PCDHA8: variants seen among roughly 807,000 people sequenced by gnomAD.
The protein encoded by PCDHA8 is protocadherin alpha-8.
A neutral mutation model predicts 61.8 loss-of-function variants in PCDHA8; 53 were observed. The ratio of observed to expected loss-of-function variants is 0.86; its 90% CI spans 0.69 to 1.08. The LOEUF is 1.08. Among genes scored for constraint, PCDHA8 ranks in the 50% least tolerant of loss-of-function variants. PCDHA8 has a pLI of 0.00. For synonymous variants in PCDHA8, 618 were observed against 556.6 expected, an observed-to-expected ratio of 1.11 and a Z score of -1.55; for missense variants, 1,293 against 1,245.0, an observed-to-expected ratio of 1.04 and a Z score of -0.58.
intron 1 of PCDHA8, chr5:140,863,439 T>C (rs781855193): frequency 3.3e-6 from 2 of 606,238 alleles, no homozygotes; most frequent in East Asian, 4.7e-5. Context: ...GATCTGGTCT[T>C]ACTCGCAGCA....
chr5:140,917,948 A>G (rs1382859222), intron 1 of PCDHA8, among the ~76,000 whole-genome samples: 2 of 151,868 alleles, frequency 1.3e-5, no homozygotes, highest in Admixed American at 1.3e-4. Flanking sequence ...TGGTAGTTTG[A>G]TAGGAACATC....
chr5:140,882,891 A>C, intron 1 of PCDHA8: 1 of 1,614,230 alleles, frequency 6.2e-7, no homozygotes, highest in East Asian at 2.2e-5. Flanking sequence ...ATTCAGGAAC[A>C]TAGTTTATTA....
intron 1 of PCDHA8, among the ~76,000 whole-genome samples, chr5:140,897,315 T>C (rs980857290): frequency 6.8e-6 from 1 of 147,686 alleles, no homozygotes; most frequent in Non-Finnish European, 1.5e-5. Context: ...GTATATCTCC[T>C]AAAGCTATCC....
intron 1 of PCDHA8, chr5:140,866,767 G>C (rs913136809): frequency 1.3e-5 from 2 of 152,154 alleles, no homozygotes; most frequent in East Asian, 1.9e-4. Context: ...CATACAGGCA[G>C]ATTGTATGTC....
At chr5:140,884,433 G>C in intron 1 of PCDHA8, 1 of 1,613,908 alleles carries the variant, frequency 6.2e-7, no homozygotes, top group Non-Finnish European at 8.5e-7. Context: ...ACTGCGCTGC[G>C]GTGCTCGGCA....
At chr5:140,871,408 A>C (rs1053262394) in intron 1 of PCDHA8, 2 of 1,613,986 alleles carry the variant, frequency 1.2e-6, no homozygotes, top group African/African-American at 2.7e-5. Flanking sequence ...GACGGACCTC[A>C]TGGCCTTCAG....
rs377441374 is a variant in PCDHA8, at chr5:140,884,065, C to T, written c.2394+40350C>T. The T allele has an allele frequency of 3.7e-6, 6 of 1,613,346 alleles. No individual in the cohort carries two copies. The African/African-American group carries it at 5.3e-5, about 14-fold the overall frequency. ...TGGCGAAGGTGCGCGCGGTGGACGC[C>T]GATTCGGGCTACAATGCGTGGCTTT... is the stretch of plus-strand genomic sequence containing the variant. On this transcript the variant is annotated intron_variant, in intron 1 of 3. Transcript: ENST00000531613.
chr5:140,968,326 C>G (rs1554230623), intron 1 of PCDHA8: 1 of 1,614,058 alleles, frequency 6.2e-7, no homozygotes, highest in Non-Finnish European at 8.5e-7. Context: ...CAGTCACCTC[C>G]TATGTCTCCA....
chr5:140,853,830 G>A lies in PCDHA8; in HGVS notation c.2394+10115G>A, dbSNP rs1424828776. 1.9e-5 allele frequency: 19 copies of A among 986,508 alleles called. 1 individual carries two copies. The highest frequency in any genetic ancestry group is 2.2e-5 in the Non-Finnish European group (18 of 818,674). The allele number at this position is 986,508 out of a possible 1,614,324, so 61.1% of individuals were successfully genotyped here. On this transcript the variant is annotated intron_variant, in intron 1 of 3. Coordinates refer to ENST00000531613, the MANE Select transcript of PCDHA8 (RefSeq NM_018911.3). The stretch of plus-strand genomic sequence containing the variant: ...CACCTGAGATGATTCTCATACAACC[G>A]AAATTTTAGATCCATAGCCCTATTT...
At chr5:140,877,500 A>G (rs781878840) in intron 1 of PCDHA8, 80 of 1,613,694 alleles carry the variant, frequency 5.0e-5, no homozygotes, top group Non-Finnish European at 6.6e-5. Flanking sequence ...GCCAGGCCCC[A>G]AAGACGTCGT....
chr5:140,997,324 T>C (rs1447294871), intron 3 of PCDHA8, among the ~76,000 whole-genome samples: 1 of 152,202 alleles, frequency 6.6e-6, no homozygotes, highest in Non-Finnish European at 1.5e-5. Context: ...TAGGCAGTTT[T>C]TTCGTTGTAC....
chr5:140,985,084 T>A (rs2097135513), intron 3 of PCDHA8, among the ~76,000 whole-genome samples: 1 of 151,986 alleles, frequency 6.6e-6, no homozygotes. Context: ...ACTACAGGCG[T>A]GTGCCACCAA....
At position 140,843,778 on chromosome 5, in the gene PCDHA8, G is replaced by C. The variant is rs2150366653; in HGVS notation, c.2394+63G>C. 3.5e-6 allele frequency: 5 copies of C among 1,441,518 alleles called. No individual in the cohort carries two copies. The East Asian group carries it at 1.1e-4, about 33-fold the overall frequency. The allele number at this position is 1,441,518 out of a possible 1,614,324, so 89.3% of individuals were successfully genotyped here. A position where few individuals can be genotyped will look rare whatever the true frequency, so the allele number is the denominator to read the frequency against. On this transcript the variant is annotated intron_variant, in intron 1 of 3. Transcript: ENST00000531613. ...TGTGGAAATTGTAGTTACTTTAAAA[G>C]TGTTTCAGATTTAGTTTTTCACCGT...
intron 1 of PCDHA8, among the ~76,000 whole-genome samples, chr5:140,855,699 C>A (rs901621120): frequency 6.7e-6 from 1 of 149,362 alleles, no homozygotes; most frequent in Non-Finnish European, 1.5e-5. Context: ...AAACATTGCA[C>A]GTGGGATCAA....
intron 3 of PCDHA8, among the ~76,000 whole-genome samples, chr5:141,007,767 G>T (rs1322859075): frequency 6.6e-6 from 1 of 152,142 alleles, no homozygotes; most frequent in African/African-American, 2.4e-5. Context: ...TATTGGCCTG[G>T]AAATGGTACT....
chr5:140,846,361 T>TTTTC lies in PCDHA8; in HGVS notation c.2394+2658_2394+2661dup, dbSNP rs1362162129. ...AAAGTGCTTTCTCTTTTTTCTTTTC[T>TTTTC]TTTCTTTCTTTCTTTTTTTTTTTTT... is the stretch of plus-strand genomic sequence containing the variant. On this transcript the variant is annotated intron_variant, in intron 1 of 3. Coordinates refer to ENST00000531613, the MANE Select transcript of PCDHA8 (RefSeq NM_018911.3). 1.5e-5 allele frequency among the ~76,000 whole-genome samples: 2 copies of TTTTC among 133,632 alleles called. 1 individual carries two copies. Among genetic ancestry groups the TTTTC allele is most frequent in the Non-Finnish European group, 3.2e-5 (2 of 63,348 alleles). 87.7% of individuals were successfully genotyped at this position (133,632 alleles called of 152,430 possible). A position where few individuals can be genotyped will look rare whatever the true frequency, so the allele number is the denominator to read the frequency against.
At chr5:140,997,097 T>G (rs1222829529) in intron 3 of PCDHA8, among the ~76,000 whole-genome samples, 10 of 152,156 alleles carry the variant, frequency 6.6e-5, no homozygotes, top group Admixed American at 5.2e-4. Context: ...TGCAGAGTTC[T>G]CATGCACTCC....
At chr5:140,960,405 C>T (rs2095547214) in intron 1 of PCDHA8, among the ~76,000 whole-genome samples, 1 of 151,828 alleles carries the variant, frequency 6.6e-6, no homozygotes, top group Non-Finnish European at 1.5e-5. Context: ...AGGGGGGGTG[C>T]CCAAAAAGTC....
intron 3 of PCDHA8, among the ~76,000 whole-genome samples, chr5:141,009,142 G>T (rs1374390797): frequency 2.0e-5 from 3 of 152,204 alleles, no homozygotes; most frequent in Non-Finnish European, 4.4e-5. Context: ...GAAAAAACCT[G>T]CCCTCTTGCT....
Sources: gnomAD v4.1 joint callset for allele counts (sites outside exome capture counted in the v4.1 genomes callset) on GRCh38, gnomAD v4.1.1 for gene constraint, MANE v1.5 for transcripts, NCBI Gene and HGNC (gene_info 2026-07-23, HGNC 2026-07-21) for gene names.